The following DENND1B variants were observed in gnomAD, a reference collection of about 807,000 sequenced individuals.
DENND1B encodes DENN domain containing 1B, also known as DENN domain-containing protein 1B.
In DENND1B, 59 loss-of-function variants were observed where a neutral mutation model predicts 90.1. That is an observed-to-expected ratio of 0.65 (90% CI 0.53 to 0.81). DENND1B has a LOEUF of 0.81. Among genes scored for constraint, DENND1B ranks in the 40% least tolerant of loss-of-function variants. The pLI is 0.00. For missense variants in DENND1B, 862 were observed against 912.6 expected, an observed-to-expected ratio of 0.94 and a Z score of 0.71; for synonymous variants, 337 against 324.6, an observed-to-expected ratio of 1.04 and a Z score of -0.41.
At chr1:197,596,662 C>T (rs1415141755) in intron 13 of DENND1B, among the ~76,000 whole-genome samples, 1 of 151,688 alleles carries the variant, frequency 6.6e-6, no homozygotes, top group Admixed American at 6.6e-5. Flanking sequence ...ACACACAACA[C>T]ATGCACACAT....
intron 6 of DENND1B, among the ~76,000 whole-genome samples, chr1:197,652,749 G>C (rs1443783935): frequency 5.3e-5 from 8 of 152,120 alleles, no homozygotes; most frequent in Admixed American, 3.9e-4. Context: ...ATTTAAGTAA[G>C]ATTATTTCAC....
chr1:197,553,405 A>G (rs1488516999), intron 15 of DENND1B, among the ~76,000 whole-genome samples: 1 of 152,178 alleles, frequency 6.6e-6, no homozygotes, highest in African/African-American at 2.4e-5. Context: ...AGTAAAGATC[A>G]TAGGCTCTGG....
At chr1:197,716,025 A>C (rs1041209913) in intron 2 of DENND1B, among the ~76,000 whole-genome samples, 36 of 151,968 alleles carry the variant, frequency 2.4e-4, no homozygotes, top group African/African-American at 7.5e-4. Flanking sequence ...ACTCCACGCC[A>C]AGTAAAAGGA....
rs1411177687 is a variant in DENND1B at position 197,507,585 on chromosome 1, G to C, written c.*2875C>G. On this transcript the variant is annotated 3_prime_UTR_variant, in exon 23 of 23. Coordinates refer to ENST00000620048, the MANE Select transcript of DENND1B (RefSeq NM_001195215.2). The stretch of plus-strand genomic sequence containing the variant: ...ATGACTCCATTGCAGGCCAGATAAA[G>C]ACTATGTACCAAGGCCAAAAGTCTT... 1.3e-5 allele frequency: 2 copies of C among 151,512 alleles called. No homozygotes were observed. Among genetic ancestry groups the C allele is most frequent in the Non-Finnish European group, 3.0e-5 (2 of 67,654 alleles). The allele number at this position is 151,512 out of a possible 1,614,324, so 9.4% of individuals were successfully genotyped here. A position where few individuals can be genotyped will look rare whatever the true frequency, so the allele number is the denominator to read the frequency against.
At position 197,730,545 on chromosome 1, in the gene DENND1B, T is replaced by A. The variant is rs76044206; in HGVS notation, c.83-15471A>T. ...CCAAATAAGGTGTGTCAGGGGGCCA[T>A]TATTTTTTATCTCTGTATTATGACA... On this transcript the variant is annotated intron_variant, in intron 2 of 22. Coordinates refer to ENST00000620048, the MANE Select transcript of DENND1B (RefSeq NM_001195215.2). 5.1e-3 allele frequency among the ~76,000 whole-genome samples: 774 copies of A among 152,266 alleles called. 7 individuals are homozygous for A. The highest frequency in any genetic ancestry group is 0.017 in the African/African-American group (718 of 41,566).
At chr1:197,702,320 A>G (rs1427456235) in intron 3 of DENND1B, among the ~76,000 whole-genome samples, 8 of 152,206 alleles carry the variant, frequency 5.3e-5, no homozygotes, top group African/African-American at 1.7e-4. Flanking sequence ...AATGTTAAGG[A>G]CAGAGCAAGT....
chr1:197,578,671 A>AAC (rs1347909722), intron 15 of DENND1B, among the ~76,000 whole-genome samples: 1 of 152,162 alleles, frequency 6.6e-6, no homozygotes, highest in African/African-American at 2.4e-5. Context: ...GTACCCCATA[A>AAC]ACACACACTA....
intron 10 of DENND1B, among the ~76,000 whole-genome samples, chr1:197,626,741 C>A (rs1157419435): frequency 6.6e-6 from 1 of 151,866 alleles, no homozygotes; most frequent in African/African-American, 2.4e-5. Flanking sequence ...AATCCAGGAG[C>A]TGGTTTTTTG....
chr1:197,703,660 G>T (rs1353311452), intron 3 of DENND1B, among the ~76,000 whole-genome samples: 3 of 152,144 alleles, frequency 2.0e-5, no homozygotes, highest in African/African-American at 7.2e-5. Flanking sequence ...ATTCTAAAAA[G>T]AAGCTACAAA....
At chr1:197,545,010 C>T (rs963284701) in intron 18 of DENND1B, among the ~76,000 whole-genome samples, 6 of 10,044 alleles carry the variant, frequency 6.0e-4, no homozygotes, top group Non-Finnish European at 1.4e-3. Context: ...AAGACGACGA[C>T]GACGACGACG....
intron 12 of DENND1B, 136 bp downstream of exon 12, chr1:197,611,795 A>C (rs1415819665): frequency 1.5e-6 from 1 of 659,670 alleles, no homozygotes; most frequent in East Asian, 3.1e-5. Flanking sequence ...TCTTTTTAAA[A>C]ATGATAAGCA....
chr1:197,733,241 G>T (rs1558456716), intron 2 of DENND1B, among the ~76,000 whole-genome samples: 1 of 152,002 alleles, frequency 6.6e-6, no homozygotes, highest in Non-Finnish European at 1.5e-5. Context: ...TTCAAATTAT[G>T]AAGTTTAAAC....
intron 16 of DENND1B, among the ~76,000 whole-genome samples, chr1:197,550,325 A>G (rs923545783): frequency 6.6e-6 from 1 of 152,104 alleles, no homozygotes; most frequent in Non-Finnish European, 1.5e-5. Flanking sequence ...TTGAAGCCAC[A>G]TAGACACATG....
At chr1:197,542,343 A>T (rs976437147) in intron 18 of DENND1B, among the ~76,000 whole-genome samples, 1 of 152,212 alleles carries the variant, frequency 6.6e-6, no homozygotes, top group Admixed American at 6.5e-5. Context: ...TATAAAAATA[A>T]GTATAAAAAT....
chr1:197,749,544 T>A (rs1165854575), intron 2 of DENND1B, among the ~76,000 whole-genome samples: 2 of 152,070 alleles, frequency 1.3e-5, no homozygotes, highest in African/African-American at 4.8e-5. Context: ...CCAAGTAAAT[T>A]ATCCTTCAAA....
At chr1:197,611,368 A>G (rs184969847) in intron 12 of DENND1B, among the ~76,000 whole-genome samples, 50 of 150,962 alleles carry the variant, frequency 3.3e-4, no homozygotes, top group Admixed American at 8.6e-4. Context: ...AACTTAAGTG[A>G]CAAAAATAAT....
At chr1:197,624,548 A>T (rs768272429) in intron 10 of DENND1B, among the ~76,000 whole-genome samples, 25 of 151,768 alleles carry the variant, frequency 1.6e-4, no homozygotes, top group Non-Finnish European at 3.2e-4. Context: ...GTCATGAACC[A>T]TGAAAAAATT....
intron 2 of DENND1B, among the ~76,000 whole-genome samples, chr1:197,726,212 T>C (rs898846441): frequency 6.6e-6 from 1 of 152,118 alleles, no homozygotes; most frequent in African/African-American, 2.4e-5. Context: ...GTGGGTGTTT[T>C]ATGAACCTGA....
rs75842843 is a variant in DENND1B at position 197,677,191 on chromosome 1, C to T, written c.127-3022G>A. On this transcript the variant is annotated intron_variant, in intron 3 of 22. Transcript: ENST00000620048. ...TCCACTGTACACTGAAATTTCAGAG[C>T]GTTCTCTGAAATTGCATAGTTTCTT... Among the ~76,000 whole-genome samples the T allele has an allele frequency of 5.8e-3, 877 of 152,120 alleles. 9 individuals carry two copies. The highest frequency in any genetic ancestry group is 0.02 in the African/African-American group (810 of 41,496).
Sources: gnomAD v4.1 joint callset for allele counts (sites outside exome capture counted in the v4.1 genomes callset) on GRCh38, gnomAD v4.1.1 for gene constraint, MANE v1.5 for transcripts, NCBI Gene and HGNC (gene_info 2026-07-23, HGNC 2026-07-21) for gene names.